RNF38: variants seen among roughly 807,000 people sequenced by gnomAD.
RNF38 encodes the protein ring finger protein 38.
Under a neutral mutation model 67.2 loss-of-function variants are expected in RNF38, and 15 were observed. That is an observed-to-expected ratio of 0.22 (90% CI 0.15 to 0.34). The LOEUF (loss-of-function observed/expected upper bound fraction) is 0.34, where lower values mean the gene tolerates loss of function less well. RNF38 is among the 10% of genes least tolerant of loss of function. The pLI is 1.00. For synonymous variants in RNF38, 220 were observed against 218.8 expected (o/e 1.01, Z -0.05); for missense variants, 524 against 639.9 (o/e 0.82, Z 1.95).
In RNF38 at chr9:36,369,768, G is replaced by A; in HGVS notation, c.521C>T (p.Ala174Val). ...TGCATTCTGCTGGGGTGGATGAGCA[G>A]CAGGATGTAGCAGACGGGGAGATAC... ...PNVSPRLLHP[A>V]AHPPQQNAVM... The change falls in exon 4 of 12, where the codon GCT (alanine) becomes GTT (valine). Residue 174 changes from alanine to valine, a missense_variant. Coordinates refer to ENST00000259605, the MANE Select transcript of RNF38 (RefSeq NM_022781.5). 1 of 1,614,052 alleles carries A rather than the reference G, an allele frequency of 6.2e-7. No individual in the cohort carries two copies. The highest frequency in any genetic ancestry group is 8.5e-7 in the Non-Finnish European group (1 of 1,180,024).
Position 36,364,790 on chromosome 9 carries a change from CA to C in RNF38, c.570+4928del, listed in dbSNP as rs1834819768. Among the ~76,000 whole-genome samples the C allele has an allele frequency of 2.0e-5, 3 of 152,214 alleles. No homozygotes were observed. In the South Asian group the frequency reaches 6.2e-4, roughly 32 times the overall value. On this transcript the variant is annotated intron_variant, in intron 4 of 11. Transcript: ENST00000259605. The stretch of plus-strand genomic sequence containing the variant: ...ACTAGATTGCTGAGTCCCACACCCA[CA>C]GATCCTGATTCAGTAAGTCTAGTGT...
At chr9:36,484,346 G>C (rs1840349346) in intron 1 of RNF38, among the ~76,000 whole-genome samples, 1 of 152,160 alleles carries the variant, frequency 6.6e-6, no homozygotes, top group African/African-American at 2.4e-5. Flanking sequence ...GGCGAAAAAG[G>C]ATCACCAGCC....
intron 1 of RNF38, among the ~76,000 whole-genome samples, chr9:36,486,789 G>A (rs1840423829): frequency 6.6e-6 from 1 of 151,936 alleles, no homozygotes. Flanking sequence ...CTGCTCTTCC[G>A]TCCCACCCCG....
At chr9:36,480,017 C>T (rs1038785982) in intron 1 of RNF38, among the ~76,000 whole-genome samples, 2 of 151,968 alleles carry the variant, frequency 1.3e-5, no homozygotes, top group African/African-American at 2.4e-5. Context: ...CTCACTCTGT[C>T]GCCCAGGCTG....
chr9:36,426,171 T>G (rs1307277721), intron 1 of RNF38, among the ~76,000 whole-genome samples: 1 of 152,230 alleles, frequency 6.6e-6, no homozygotes, highest in East Asian at 1.9e-4. Context: ...TGTTTTGTCT[T>G]GTTTTAAACA....
chr9:36,480,013 C>CT (rs1395997215), intron 1 of RNF38, among the ~76,000 whole-genome samples: 1 of 152,096 alleles, frequency 6.6e-6, no homozygotes, highest in African/African-American at 2.4e-5. Context: ...GAGTCTCACT[C>CT]TGTCGCCCAG....
chr9:36,436,502 A>G (rs1033346699), intron 1 of RNF38, among the ~76,000 whole-genome samples: 8 of 152,346 alleles, frequency 5.3e-5, no homozygotes, highest in Non-Finnish European at 8.8e-5. Context: ...TGGAAAATAT[A>G]TAACTTACAG....
chr9:36,340,322 GA>G (rs1832747181), intron 11 of RNF38, among the ~76,000 whole-genome samples: 1 of 152,180 alleles, frequency 6.6e-6, no homozygotes, highest in South Asian at 2.1e-4. Context: ...ATATAAACAA[GA>G]TTACCATTGA....
At chr9:36,415,057 T>G (rs1838425671) in intron 2 of RNF38, among the ~76,000 whole-genome samples, 1 of 152,212 alleles carries the variant, frequency 6.6e-6, no homozygotes, top group African/African-American at 2.4e-5. Flanking sequence ...TCCCAGGAGT[T>G]ATTTGAGTTT....
intron 1 of RNF38, among the ~76,000 whole-genome samples, chr9:36,426,959 C>T (rs1838788482): frequency 6.6e-6 from 1 of 152,216 alleles, no homozygotes; most frequent in South Asian, 2.1e-4. Context: ...GTGCCTGGCA[C>T]ACAGCAATTC....
At chr9:36,468,427 G>C (rs1279596913) in intron 1 of RNF38, among the ~76,000 whole-genome samples, 1 of 152,130 alleles carries the variant, frequency 6.6e-6, no homozygotes, top group Non-Finnish European at 1.5e-5. Context: ...TCTTTATCTG[G>C]GGCAAAGAGC....
At chr9:36,401,099 T>TAGCGAGCCC, upstream of RNF38, 1 of 983,404 alleles carries the variant, frequency 1.0e-6, no homozygotes, top group Non-Finnish European at 1.2e-6. Flanking sequence ...AGCACAAACC[T>TAGCGAGCCC]AGCGAGCCCA....
At chr9:36,383,582 AC>A (rs1371158716) in intron 2 of RNF38, among the ~76,000 whole-genome samples, 11 of 152,218 alleles carry the variant, frequency 7.2e-5, no homozygotes, top group African/African-American at 2.4e-4. Flanking sequence ...GTCTCATTTC[AC>A]ATAGGACTTT....
chr9:36,457,549 T>C (rs1839622269), intron 1 of RNF38, among the ~76,000 whole-genome samples: 1 of 152,216 alleles, frequency 6.6e-6, no homozygotes, highest in African/African-American at 2.4e-5. Flanking sequence ...AGCCCTTATG[T>C]ACAAACTTTA....
intron 5 of RNF38, 72 bp from the exon 6 acceptor site, chr9:36,356,545 T>TA: frequency 7.6e-7 from 1 of 1,314,054 alleles, no homozygotes; most frequent in African/African-American, 1.5e-5. Flanking sequence ...ATAGTGAGAT[T>TA]AAAATCTGTC....
At chr9:36,376,519 G>A (rs974101988) in intron 2 of RNF38, among the ~76,000 whole-genome samples, 3 of 152,190 alleles carry the variant, frequency 2.0e-5, no homozygotes, top group African/African-American at 7.2e-5. Context: ...ATTCTCAGCT[G>A]TGAGTTCAGC....
At chr9:36,371,580 G>A (rs1835380966) in intron 3 of RNF38, among the ~76,000 whole-genome samples, 1 of 151,274 alleles carries the variant, frequency 6.6e-6, no homozygotes, top group Non-Finnish European at 1.5e-5. Context: ...CCAAGTAGCT[G>A]GGATTACAGA....
intron 2 of RNF38, among the ~76,000 whole-genome samples, chr9:36,408,476 G>A (rs1838237758): frequency 6.6e-6 from 1 of 152,108 alleles, no homozygotes; most frequent in South Asian, 2.1e-4. Context: ...AGCAGAACTT[G>A]GACCAGTATA....
chr9:36,361,702 T>C (rs1314384598), intron 4 of RNF38, among the ~76,000 whole-genome samples: 1 of 152,206 alleles, frequency 6.6e-6, no homozygotes, highest in South Asian at 2.1e-4. Context: ...TGTCTGGTTT[T>C]CCCACAAAAG....
Sources: gnomAD v4.1 joint callset for allele counts (sites outside exome capture counted in the v4.1 genomes callset) on GRCh38, gnomAD v4.1.1 for gene constraint, MANE v1.5 for transcripts, NCBI Gene and HGNC (gene_info 2026-07-23, HGNC 2026-07-21) for gene names.